The following GFPT1 variants were observed in gnomAD, a reference collection of about 807,000 sequenced individuals.
GFPT1 encodes glutamine--fructose-6-phosphate transaminase 1, also known as glutamine--fructose-6-phosphate aminotransferase [isomerizing] 1.
GFPT1 carries 40 observed loss-of-function variants against 92.0 expected under a neutral mutation model. The ratio of observed to expected loss-of-function variants is 0.43; its 90% CI spans 0.34 to 0.57. The LOEUF (loss-of-function observed/expected upper bound fraction) is 0.57. Ranked by LOEUF, GFPT1 falls within the 20% of genes least tolerant of loss-of-function variation. GFPT1 has a pLI of 0.02. For missense variants in GFPT1, 448 were observed against 869.1 expected, an observed-to-expected ratio of 0.52 and a Z score of 6.09; for synonymous variants, 269 against 280.6, an observed-to-expected ratio of 0.96 and a Z score of 0.41.
chr2:69,347,750 T>C (rs1193698842), intron 11 of GFPT1, among the ~76,000 whole-genome samples: 1 of 152,184 alleles, frequency 6.6e-6, no homozygotes, highest in Non-Finnish European at 1.5e-5. Flanking sequence ...CCCAAAGTGC[T>C]AAGATTACAG....
At chr2:69,357,265 T>C (rs2104653505) in intron 6 of GFPT1, among the ~76,000 whole-genome samples, 1 of 46,522 alleles carries the variant, frequency 2.1e-5, no homozygotes, top group East Asian at 3.3e-4. Flanking sequence ...TCTGCCCTAG[T>C]AATTGTACAC....
chr2:69,330,370 T>C (rs760894990), intron 15 of GFPT1, among the ~76,000 whole-genome samples: 15 of 152,050 alleles, frequency 9.9e-5, no homozygotes, highest in East Asian at 1.9e-4. Context: ...ATTCCTAATA[T>C]CCCTAAGAAA....
chr2:69,385,184 C>T (rs932015789), intron 1 of GFPT1, among the ~76,000 whole-genome samples: 1 of 152,132 alleles, frequency 6.6e-6, no homozygotes, highest in Non-Finnish European at 1.5e-5. Flanking sequence ...AGGTATCTCC[C>T]TTATCTGAAC....
intron 1 of GFPT1, among the ~76,000 whole-genome samples, chr2:69,384,351 C>G (rs972312952): frequency 5.3e-5 from 8 of 152,094 alleles, no homozygotes; most frequent in Non-Finnish European, 1.2e-4. Flanking sequence ...TGAAAAAAAG[C>G]ACATCAGAAT....
intron 15 of GFPT1, 35 bp downstream of exon 15, chr2:69,337,863 T>G: frequency 1.3e-6 from 2 of 1,574,624 alleles, no homozygotes; most frequent in Non-Finnish European, 1.7e-6. Context: ...ACACTATGAT[T>G]AAATAATCAT....
At chr2:69,379,973 CCTCCCAAAGTG>C (rs1010577602) in intron 1 of GFPT1, among the ~76,000 whole-genome samples, 5 of 152,110 alleles carry the variant, frequency 3.3e-5, no homozygotes, top group African/African-American at 1.2e-4. Flanking sequence ...CTTGTTTCGG[CCTCCCAAAGTG>C]CTGGGATTAC....
Position 69,332,147 on chromosome 2 carries a change from T to C in GFPT1, c.1483-2349A>G, listed in dbSNP as rs564406839. Among the ~76,000 whole-genome samples, 6 of 152,232 alleles carry C rather than the reference T, an allele frequency of 3.9e-5. No individual in the cohort carries two copies. The East Asian group carries it at 5.8e-4, about 15-fold the overall frequency. ...GGAACACTAATTCTAACCCAAGATA[T>C]GTCATTTCTTTACAAAACAATCTTT... is the stretch of plus-strand genomic sequence containing the variant. On this transcript the variant is annotated intron_variant, in intron 15 of 19. Coordinates refer to ENST00000357308, the MANE Select transcript of GFPT1 (RefSeq NM_001244710.2).
rs201672242 is a variant in GFPT1, at chr2:69,329,283, C to G, written c.1725+14G>C. Reference sequence around the variant, plus strand: ...GTCAATGGACTGATACTAATTAGAACTGAGAAAACTTACCAGTGCCCCTTC... The same window carrying G: ...GTCAATGGACTGATACTAATTAGAAGTGAGAAAACTTACCAGTGCCCCTTC... On this transcript the variant is annotated intron_variant, in intron 17 of 19. Transcript: ENST00000357308. The G allele has an allele frequency of 1.2e-6, 2 of 1,612,654 alleles. No homozygotes were observed. Among genetic ancestry groups the G allele is most frequent in the African/African-American group, 1.3e-5 (1 of 74,884 alleles).
chr2:69,378,171 A>AT (rs1360625522), intron 1 of GFPT1, among the ~76,000 whole-genome samples: 17 of 152,180 alleles, frequency 1.1e-4, no homozygotes, highest in South Asian at 4.2e-4. Flanking sequence ...TGCCCGGCTA[A>AT]TTTTTTGTAT....
At chr2:69,361,898 T>C (rs1311518601) in intron 4 of GFPT1, among the ~76,000 whole-genome samples, 1 of 152,124 alleles carries the variant, frequency 6.6e-6, no homozygotes, top group Non-Finnish European at 1.5e-5. Context: ...GAAGATCACT[T>C]GTGCCCAAGA....
intron 1 of GFPT1, among the ~76,000 whole-genome samples, chr2:69,377,365 T>C (rs953208804): frequency 1.3e-5 from 2 of 151,782 alleles, no homozygotes; most frequent in African/African-American, 4.8e-5. Flanking sequence ...CTTAAGAACA[T>C]TTTGGCTGGG....
intron 12 of GFPT1, 65 bp from the exon 13 acceptor site, chr2:69,342,314 T>C: frequency 2.1e-6 from 2 of 946,956 alleles, no homozygotes; most frequent in Non-Finnish European, 3.5e-6. Context: ...CAATCGCATT[T>C]TGTGAGTATC....
intron 13 of GFPT1, among the ~76,000 whole-genome samples, chr2:69,340,388 G>T (rs1670920009): frequency 6.6e-6 from 1 of 151,972 alleles, no homozygotes; most frequent in Non-Finnish European, 1.5e-5. Context: ...GTAACTTAAT[G>T]CTATAAATTC....
At chr2:69,328,701 CT>C (rs10634143) in intron 17 of GFPT1, among the ~76,000 whole-genome samples, 213 of 136,160 alleles carry the variant, frequency 1.6e-3, no homozygotes, top group Middle Eastern at 0.012. Flanking sequence ...CTGGTTAACC[CT>C]TTTTTTTTTT....
chr2:69,378,444 A>G (rs1299175576), intron 1 of GFPT1, among the ~76,000 whole-genome samples: 1 of 152,248 alleles, frequency 6.6e-6, no homozygotes, highest in Non-Finnish European at 1.5e-5. Context: ...ATCAGCATGC[A>G]CTTCACAAGT....
intron 15 of GFPT1, among the ~76,000 whole-genome samples, chr2:69,336,694 G>A (rs1419103348): frequency 1.3e-5 from 2 of 150,670 alleles, no homozygotes; most frequent in African/African-American, 4.9e-5. Context: ...AGGAAGCTGA[G>A]GCAGAGATCA....
intron 18 of GFPT1, 68 bp from the exon 19 acceptor site, chr2:69,327,143 T>TATGGATTATGCA (rs1316128579): frequency 6.3e-6 from 9 of 1,439,140 alleles, no homozygotes; most frequent in Non-Finnish European, 7.8e-6. Context: ...AGCTTACGAA[T>TATGGATTATGCA]GTGCAAAAAT....
Position 69,324,461 on chromosome 2 carries a change from G to A in GFPT1, c.*1728C>T. On this transcript the variant is annotated 3_prime_UTR_variant, in exon 20 of 20. Transcript: ENST00000357308. ...GAAACAATTAAAGTAGATTAATATA[G>A]CTATAATAGCCATATATTATATATA... 1 of 152,100 alleles carries A rather than the reference G, an allele frequency of 6.6e-6. No homozygotes were observed. 9.4% of individuals were successfully genotyped at this position (152,100 alleles called of 1,614,324 possible). A position where few individuals can be genotyped will look rare whatever the true frequency, so the allele number is the denominator to read the frequency against.
intron 11 of GFPT1, among the ~76,000 whole-genome samples, chr2:69,347,170 CA>C (rs776026452): frequency 4.6e-5 from 7 of 151,830 alleles, no homozygotes; most frequent in Non-Finnish European, 1.0e-4. Flanking sequence ...TTCAGCCTCC[CA>C]AAGTGCTAGG....
Sources: allele counts gnomAD v4.1 joint callset (sites outside exome capture counted in the v4.1 genomes callset), GRCh38; gene constraint gnomAD v4.1.1; transcripts MANE v1.5; gene names NCBI Gene and HGNC (gene_info 2026-07-23, HGNC 2026-07-21).